The following SYT16 variants were observed in gnomAD, a reference collection of about 807,000 sequenced individuals.
SYT16 encodes synaptotagmin 16.
In SYT16, 42 loss-of-function variants were observed where a neutral mutation model predicts 61.4. That is an observed-to-expected ratio of 0.68 (90% CI 0.53 to 0.89). The LOEUF (loss-of-function observed/expected upper bound fraction) is 0.89, where lower values mean the gene tolerates loss of function less well. Ranked by LOEUF, SYT16 falls within the 40% of genes least tolerant of loss-of-function variation. SYT16 has a pLI of 0.00. For synonymous variants in SYT16, 314 were observed against 302.3 expected, an observed-to-expected ratio of 1.04 and a Z score of -0.40; for missense variants, 804 against 807.3, an observed-to-expected ratio of 1.00 and a Z score of 0.05.
chr14:62,015,053 C>T (rs570970556), intron 3 of SYT16, among the ~76,000 whole-genome samples: 1 of 152,304 alleles, frequency 6.6e-6, no homozygotes, highest in East Asian at 1.9e-4. Flanking sequence ...TCTTCTTTCT[C>T]CAGCTTCTGT....
intron 1 of SYT16, among the ~76,000 whole-genome samples, chr14:61,859,742 G>A (rs544890026): frequency 1.2e-4 from 18 of 152,150 alleles, no homozygotes; most frequent in Non-Finnish European, 2.2e-4. Flanking sequence ...GTGCTCACAG[G>A]AAGATGAAGG....
Position 62,075,173 on chromosome 14 carries a change from C to T in SYT16, c.775C>T (p.Leu259Phe). Residue 259 changes from leucine (L) to phenylalanine (F), a missense_variant, in exon 5 of 8, where the codon CTC becomes TTC. Leu to Phe is a conservative substitution (Grantham distance 22, BLOSUM62 0). Transcript: ENST00000683842. ...GASQRRYSEN[L>F]SYGEDDHIPA... ...CAGCCAACGGCGTTATTCTGAGAAT[C>T]TCTCCTACGGTGAAGATGACCACAT... The T allele has an allele frequency of 6.2e-7, 1 of 1,612,392 alleles. No individual in the cohort carries two copies. Among genetic ancestry groups the T allele is most frequent in the Non-Finnish European group, 8.5e-7 (1 of 1,179,134 alleles).
At chr14:61,886,614 T>C (rs1303749126) in intron 1 of SYT16, among the ~76,000 whole-genome samples, 2 of 152,232 alleles carry the variant, frequency 1.3e-5, no homozygotes, top group African/African-American at 2.4e-5. Context: ...TTCAGATCTT[T>C]AGGCTCCACG....
intron 3 of SYT16, among the ~76,000 whole-genome samples, chr14:62,045,275 T>C (rs1224776323): frequency 6.6e-6 from 1 of 152,166 alleles, no homozygotes; most frequent in Non-Finnish European, 1.5e-5. Context: ...TCTCATATAA[T>C]TATATGGGAA....
chr14:62,081,616 C>T (rs558685418), intron 6 of SYT16, among the ~76,000 whole-genome samples: 34 of 152,340 alleles, frequency 2.2e-4, no homozygotes, highest in African/African-American at 8.2e-4. Context: ...CATGATGAAT[C>T]TCAGAGATGG....
intron 7 of SYT16, among the ~76,000 whole-genome samples, chr14:62,086,141 C>G (rs1295255620): frequency 6.6e-6 from 1 of 152,144 alleles, no homozygotes; most frequent in Non-Finnish European, 1.5e-5. Flanking sequence ...TGGAGGCCAA[C>G]AAACCAAGGT....
Position 61,812,764 on chromosome 14 carries a change from CTGGG to C in SYT16, c.-370_-367del. The C allele has an allele frequency of 6.6e-6, 1 of 151,494 alleles. No homozygotes were observed. The highest frequency in any genetic ancestry group is 6.6e-5 in the Admixed American group (1 of 15,224). 9.4% of individuals were successfully genotyped at this position (151,494 alleles called of 1,614,324 possible). A position where few individuals can be genotyped will look rare whatever the true frequency, so the allele number is the denominator to read the frequency against. On this transcript the variant is annotated 5_prime_UTR_variant, in exon 1 of 8. Transcript: ENST00000683842. ...CGGGCTCGGCGCCGGTTTCCCGAAC[CTGGG>C]CGGCCGTCGGGCAGCCCCCTCGTCC...
intron 7 of SYT16, among the ~76,000 whole-genome samples, chr14:62,094,982 GCTCT>G (rs1393000671): frequency 5.3e-5 from 8 of 151,928 alleles, no homozygotes; most frequent in Non-Finnish European, 7.4e-5. Flanking sequence ...GAGTACTGGG[GCTCT>G]CTCTCCTTCC....
intron 3 of SYT16, among the ~76,000 whole-genome samples, chr14:62,040,896 A>G (rs2054703071): frequency 6.6e-6 from 1 of 152,040 alleles, no homozygotes; most frequent in African/African-American, 2.4e-5. Context: ...TACCTTATTG[A>G]ATTAGGGTTC....
At chr14:61,958,091 ATAT>A (rs2050956256) in intron 1 of SYT16, among the ~76,000 whole-genome samples, 1 of 151,734 alleles carries the variant, frequency 6.6e-6, no homozygotes. Flanking sequence ...ATTATTCATA[ATAT>A]TCATTTATGA....
Position 62,075,165 on chromosome 14 carries a change from C to A in SYT16, c.767C>A (p.Ser256Tyr). The A allele has an allele frequency of 6.2e-7, 1 of 1,612,010 alleles. No individual in the cohort carries two copies. Among genetic ancestry groups the A allele is most frequent in the Admixed American group, 1.7e-5 (1 of 59,652 alleles). Residue 256 changes from serine to tyrosine, a missense_variant, in exon 5 of 8, where the codon TCT (serine) becomes TAT (tyrosine). Transcript: ENST00000683842. Reference sequence around the variant, plus strand: ...GATGGAGCCAGCCAACGGCGTTATTCTGAGAATCTCTCCTACGGTGAAGAT... The same window carrying A: ...GATGGAGCCAGCCAACGGCGTTATTATGAGAATCTCTCCTACGGTGAAGAT... ...DLDGASQRRY[S>Y]ENLSYGEDDH... is the part of the protein sequence containing the mutation.
At chr14:61,900,082 G>A (rs1032986235) in intron 1 of SYT16, among the ~76,000 whole-genome samples, 1 of 151,996 alleles carries the variant, frequency 6.6e-6, no homozygotes, top group African/African-American at 2.4e-5. Context: ...GAAAGAGCTG[G>A]TTCCAACCTC....
At chr14:62,020,544 G>A (rs2053871000) in intron 3 of SYT16, among the ~76,000 whole-genome samples, 1 of 152,192 alleles carries the variant, frequency 6.6e-6, no homozygotes, top group South Asian at 2.1e-4. Context: ...TTCCAAGGGA[G>A]GAGGGGGACA....
At chr14:62,060,550 C>A (rs1259223651) in intron 3 of SYT16, among the ~76,000 whole-genome samples, 1 of 151,354 alleles carries the variant, frequency 6.6e-6, no homozygotes, top group Non-Finnish European at 1.5e-5. Context: ...TAAATTCTGT[C>A]AGCATTGTTT....
intron 1 of SYT16, among the ~76,000 whole-genome samples, chr14:61,905,751 T>A (rs894007774): frequency 7.7e-6 from 1 of 130,168 alleles, no homozygotes; most frequent in Non-Finnish European, 1.5e-5. Context: ...CAATTGGACT[T>A]CTTCTTCTTC....
chr14:62,009,976 C>T (rs558276690), intron 3 of SYT16, among the ~76,000 whole-genome samples: 2 of 152,152 alleles, frequency 1.3e-5, no homozygotes, highest in African/African-American at 4.8e-5. Flanking sequence ...GCCTATTTCC[C>T]TATTCTTCTT....
chr14:62,019,592 G>A (rs1178343414), intron 3 of SYT16, among the ~76,000 whole-genome samples: 1 of 151,816 alleles, frequency 6.6e-6, no homozygotes, highest in Non-Finnish European at 1.5e-5. Flanking sequence ...ACTTTTTTTT[G>A]TTTTATCTTT....
chr14:62,076,491 T>C (rs996541579), intron 5 of SYT16, among the ~76,000 whole-genome samples: 6 of 151,594 alleles, frequency 4.0e-5, no homozygotes, highest in Admixed American at 3.3e-4. Context: ...AAGCCTTAAC[T>C]GCTAACATGT....
At chr14:61,998,371 C>T (rs1467325542) in intron 3 of SYT16, among the ~76,000 whole-genome samples, 1 of 151,896 alleles carries the variant, frequency 6.6e-6, no homozygotes, top group Admixed American at 6.6e-5. Context: ...TATTCCAGCC[C>T]CAGACCTGTG....
Sources: allele counts gnomAD v4.1 joint callset (sites outside exome capture counted in the v4.1 genomes callset), GRCh38; gene constraint gnomAD v4.1.1; transcripts MANE v1.5; gene names NCBI Gene and HGNC (gene_info 2026-07-23, HGNC 2026-07-21).